The following ZNF486 variants were observed in gnomAD, a reference collection of about 807,000 sequenced individuals.
ZNF486 encodes the protein zinc finger protein 486.
A neutral mutation model predicts 12.8 loss-of-function variants in ZNF486; 12 were observed. That is an observed-to-expected ratio of 0.94 (90% confidence interval 0.60 to 1.52). The LOEUF (loss-of-function observed/expected upper bound fraction) is 1.52. Among genes scored for constraint, ZNF486 ranks in the 40% most tolerant of loss-of-function variants. ZNF486 has a pLI of 0.00. For synonymous variants in ZNF486, 231 were observed against 184.9 expected (o/e 1.25, Z -2.02); for missense variants, 738 against 545.0 (o/e 1.35, Z -3.53).
At chr19:20,188,161 C>T (rs10402731) in intron 3 of ZNF486, among the ~76,000 whole-genome samples, 1 of 151,996 alleles carries the variant, frequency 6.6e-6, no homozygotes, top group East Asian at 1.9e-4. Flanking sequence ...TCTATATAGG[C>T]AGAACTGACC....
intron 3 of ZNF486, among the ~76,000 whole-genome samples, chr19:20,186,888 A>C (rs1458289042): frequency 6.7e-6 from 1 of 148,550 alleles, no homozygotes; most frequent in Non-Finnish European, 1.5e-5. Context: ...GGTTCAAGCA[A>C]TTCTCTGCCT....
Position 20,167,230 on chromosome 19 carries a change from G to A in ZNF486, c.-101G>A, listed in dbSNP as rs564720268. On this transcript the variant is annotated 5_prime_UTR_variant, in exon 1 of 4. Transcript: ENST00000335117. ...GCGGCCTTTGTCTCTCGCTGCATCT[G>A]GAGCTCTAGGTCGCCTCTTCGCTAC... is the stretch of plus-strand genomic sequence containing the variant. 4.1e-6 allele frequency: 6 copies of A among 1,447,316 alleles called. No individual in the cohort carries two copies. The African/African-American group carries it at 7.0e-5, about 17-fold the overall frequency. 89.7% of individuals were successfully genotyped at this position (1,447,316 alleles called of 1,614,324 possible).
chr19:20,181,336 G>T (rs185375248), intron 1 of ZNF486, among the ~76,000 whole-genome samples: 94 of 152,148 alleles, frequency 6.2e-4, no homozygotes, highest in Non-Finnish European at 1.2e-3. Flanking sequence ...TCAGGAAATC[G>T]AGACCATCCT....
intron 3 of ZNF486, among the ~76,000 whole-genome samples, chr19:20,195,604 T>C (rs538029467): frequency 6.6e-6 from 1 of 152,344 alleles, no homozygotes; most frequent in African/African-American, 2.4e-5. Context: ...ATTTGGAAAT[T>C]AACAAAAAGC....
chr19:20,197,751 G>T lies in ZNF486; in HGVS notation c.1041G>T (p.Glu347Asp), dbSNP rs1555718289. Residue 347 changes from glutamate to aspartate, a missense_variant, in exon 4 of 4, where the codon GAG becomes GAT. By Grantham distance (45) the Glu-to-Asp change is conservative. Coordinates refer to ENST00000335117, the MANE Select transcript of ZNF486 (RefSeq NM_052852.4). ...AACATGAGAAGATTCATACGGGAGA[G>T]AAACCCTACAAATGTGAAGAATGTG... ...LSKHEKIHTGEKPYKCEECGK... is the reference protein window; with the variant it reads ...LSKHEKIHTGDKPYKCEECGK... 18 of 1,613,876 alleles carry T rather than the reference G, an allele frequency of 1.1e-5. No individual in the cohort carries two copies. The highest frequency in any genetic ancestry group is 1.5e-5 in the Non-Finnish European group (18 of 1,179,952).
intron 1 of ZNF486, among the ~76,000 whole-genome samples, chr19:20,182,249 A>G (rs2089795534): frequency 6.6e-6 from 1 of 152,322 alleles, no homozygotes; most frequent in East Asian, 1.9e-4. Flanking sequence ...TAAAACACCC[A>G]TTCATGGACC....
intron 1 of ZNF486, among the ~76,000 whole-genome samples, chr19:20,171,611 G>T (rs2089648947): frequency 6.6e-6 from 1 of 152,166 alleles, no homozygotes; most frequent in South Asian, 2.1e-4. Context: ...CTGCCTACAT[G>T]CACACAGAAA....
intron 1 of ZNF486, among the ~76,000 whole-genome samples, chr19:20,177,278 A>G (rs1555714965): frequency 6.6e-6 from 1 of 152,210 alleles, no homozygotes; most frequent in African/African-American, 2.4e-5. Context: ...AAAATATAGA[A>G]CACTATTCAA....
intron 1 of ZNF486, among the ~76,000 whole-genome samples, chr19:20,174,612 C>A (rs10410056): frequency 0.016 from 2,360 of 152,214 alleles, 62 homozygotes; most frequent in African/African-American, 0.053. Flanking sequence ...TGATCTTGAA[C>A]TTTTCACCTC....
At chr19:20,185,881 A>G (rs565752288) in intron 2 of ZNF486, 106 bp from the exon 3 acceptor site, 2 of 560,434 alleles carry the variant, frequency 3.6e-6, no homozygotes, top group East Asian at 7.3e-5. Context: ...GTATTTTGGT[A>G]TTAATTTACT....
At chr19:20,170,107 G>T (rs1483235639) in intron 1 of ZNF486, among the ~76,000 whole-genome samples, 2 of 151,120 alleles carry the variant, frequency 1.3e-5, no homozygotes, top group Non-Finnish European at 3.0e-5. Context: ...AGCCAGGATG[G>T]TCTCGATCTC....
chr19:20,194,781 T>C (rs964466786), intron 3 of ZNF486, among the ~76,000 whole-genome samples: 15 of 152,278 alleles, frequency 9.9e-5, no homozygotes, highest in African/African-American at 3.6e-4. Context: ...AAATGGAACA[T>C]CATTTTTATC....
chr19:20,173,364 A>G (rs554591634), intron 1 of ZNF486, among the ~76,000 whole-genome samples: 57 of 152,246 alleles, frequency 3.7e-4, no homozygotes, highest in Admixed American at 3.3e-3. Context: ...AAATCTGATG[A>G]TTATAGGAGG....
chr19:20,173,004 T>A (rs1242937364), intron 1 of ZNF486, among the ~76,000 whole-genome samples: 7 of 152,166 alleles, frequency 4.6e-5, no homozygotes, highest in Non-Finnish European at 1.0e-4. Flanking sequence ...ATATTTTTGT[T>A]TATTTTGTAG....
At chr19:20,185,942 G>T (rs1555716341) in intron 2 of ZNF486, 45 bp from the exon 3 acceptor site, 7 of 1,278,718 alleles carry the variant, frequency 5.5e-6, no homozygotes, top group Admixed American at 2.6e-5. Context: ...GCTTGTAATT[G>T]AGAAATATAA....
Position 20,197,883 on chromosome 19 carries a change from A to G in ZNF486, c.1173A>G (p.Ala391=). 6.2e-7 allele frequency: 1 copy of G among 1,613,162 alleles called. No homozygotes were observed. The highest frequency in any genetic ancestry group is 1.1e-5 in the South Asian group (1 of 91,018). ...EECGKAFTWS[A]GLHKHRRTHT... ...GTGGCAAAGCCTTTACATGGTCTGC[A>G]GGCCTCCATAAACATAGGAGAACTC... The change falls in exon 4 of 4, where the codon GCA becomes GCG. Residue 391 remains alanine, a synonymous_variant. Coordinates refer to ENST00000335117, the MANE Select transcript of ZNF486 (RefSeq NM_052852.4).
chr19:20,171,221 C>T (rs1186985738), intron 1 of ZNF486, among the ~76,000 whole-genome samples: 2 of 152,218 alleles, frequency 1.3e-5, no homozygotes, highest in Non-Finnish European at 2.9e-5. Flanking sequence ...GGAGGCTCCA[C>T]TCTCCTGTAC....
chr19:20,187,472 A>C (rs1231010240), intron 3 of ZNF486, among the ~76,000 whole-genome samples: 1 of 151,246 alleles, frequency 6.6e-6, no homozygotes, highest in African/African-American at 2.4e-5. Context: ...ATTGGTGCCT[A>C]AATTTGATGG....
At chr19:20,171,391 T>A (rs1372184415) in intron 1 of ZNF486, among the ~76,000 whole-genome samples, 3 of 152,182 alleles carry the variant, frequency 2.0e-5, no homozygotes, top group Non-Finnish European at 4.4e-5. Flanking sequence ...ACACTAGACA[T>A]TAACGTGTCC....
Sources: allele counts gnomAD v4.1 joint callset (sites outside exome capture counted in the v4.1 genomes callset), GRCh38; gene constraint gnomAD v4.1.1; transcripts MANE v1.5; gene names NCBI Gene and HGNC (gene_info 2026-07-23, HGNC 2026-07-21).